Variants in UNC13C observed in about 807,000 individuals in gnomAD.
UNC13C encodes the protein unc-13 homolog C, also known as protein unc-13 homolog C.
In UNC13C, 174 loss-of-function variants were observed where a neutral mutation model predicts 245.4. The ratio of observed to expected loss-of-function variants is 0.71; its 90% CI spans 0.63 to 0.80. The LOEUF (loss-of-function observed/expected upper bound fraction) is 0.80. UNC13C is among the 30% of genes least tolerant of loss of function. The pLI is 0.00. For synonymous variants in UNC13C, 992 were observed against 895.1 expected (o/e 1.11, Z -1.93); for missense variants, 2,829 against 2,602.9 (o/e 1.09, Z -1.89).
the UNC13C span, among the ~76,000 whole-genome samples, chr15:53,869,879 G>A: frequency 6.6e-6 from 1 of 152,134 alleles, no homozygotes; most frequent in Admixed American, 6.5e-5. Context: ...GTTGGTCTTG[G>A]GACCACATGA....
intron 17 of UNC13C, among the ~76,000 whole-genome samples, chr15:54,383,670 A>G (rs996636632): frequency 1.3e-5 from 2 of 152,162 alleles, no homozygotes; most frequent in Non-Finnish European, 2.9e-5. Context: ...TCTTTGCCAG[A>G]GAAATCAGGC....
At chr15:54,360,334 A>G (rs932203189) in intron 17 of UNC13C, among the ~76,000 whole-genome samples, 7 of 152,030 alleles carry the variant, frequency 4.6e-5, no homozygotes, top group African/African-American at 1.7e-4. Context: ...TCTTGAGTGC[A>G]GTTTAACTTT....
chr15:54,308,012 A>G (rs1483170405), intron 13 of UNC13C, among the ~76,000 whole-genome samples: 4 of 151,932 alleles, frequency 2.6e-5, no homozygotes, highest in African/African-American at 7.2e-5. Flanking sequence ...TTCATTTTGC[A>G]TAGTATCTCT....
chr15:54,265,330 A>C (rs758045978), intron 9 of UNC13C, 25 bp from the exon 10 acceptor site: 9 of 1,424,022 alleles, frequency 6.3e-6, no homozygotes, highest in Non-Finnish European at 7.4e-6. Context: ...CTGTATGTTA[A>C]AATGTTTATT....
the UNC13C span, among the ~76,000 whole-genome samples, chr15:53,856,747 T>C: frequency 6.6e-6 from 1 of 151,740 alleles, no homozygotes; most frequent in Non-Finnish European, 1.5e-5. Flanking sequence ...GTGATAAGAA[T>C]GTATATTCTG....
At chr15:54,011,182 A>G (rs1473189864) in intron 1 of UNC13C, among the ~76,000 whole-genome samples, 1 of 152,180 alleles carries the variant, frequency 6.6e-6, no homozygotes, top group Non-Finnish European at 1.5e-5. Flanking sequence ...TGTGGTTGGA[A>G]TACGAGCAAG....
intron 4 of UNC13C, among the ~76,000 whole-genome samples, chr15:54,177,776 C>T (rs2033664283): frequency 6.6e-6 from 1 of 152,030 alleles, no homozygotes; most frequent in African/African-American, 2.4e-5. Context: ...AGTTGTTACT[C>T]TGTATCCATC....
chr15:54,461,542 T>C (rs1005817607), intron 19 of UNC13C, among the ~76,000 whole-genome samples: 2 of 152,214 alleles, frequency 1.3e-5, no homozygotes, highest in Non-Finnish European at 1.5e-5. Context: ...TGGTCTTCAT[T>C]TTAATATTAA....
intron 13 of UNC13C, among the ~76,000 whole-genome samples, chr15:54,302,071 G>A (rs1461981473): frequency 1.3e-5 from 2 of 151,904 alleles, no homozygotes; most frequent in African/African-American, 2.4e-5. Flanking sequence ...TATGTTTCTT[G>A]GCTGCCTAAA....
chr15:54,059,364 A>G, intron 2 of UNC13C, among the ~76,000 whole-genome samples: 1 of 152,184 alleles, frequency 6.6e-6, no homozygotes, highest in Admixed American at 6.5e-5. Context: ...CCCATTCACA[A>G]TTGCTTCAAA....
chr15:54,583,974 C>T (rs1898338840), intron 30 of UNC13C, among the ~76,000 whole-genome samples: 1 of 152,170 alleles, frequency 6.6e-6, no homozygotes, highest in Non-Finnish European at 1.5e-5. Context: ...CTCTCTGGCT[C>T]CCCGTGGCCT....
chr15:54,618,773 A>T (rs1436315037), intron 30 of UNC13C, among the ~76,000 whole-genome samples: 1 of 152,150 alleles, frequency 6.6e-6, no homozygotes, highest in Non-Finnish European at 1.5e-5. Context: ...CATTAAATGA[A>T]TCAACGGAAG....
At chr15:54,144,193 T>G (rs2032154440) in intron 4 of UNC13C, among the ~76,000 whole-genome samples, 1 of 152,204 alleles carries the variant, frequency 6.6e-6, no homozygotes, top group Admixed American at 6.5e-5. Context: ...ATTTTCTATG[T>G]AAAAAATTCA....
At chr15:54,009,286 C>A (rs1895275320) in intron 1 of UNC13C, among the ~76,000 whole-genome samples, 1 of 152,072 alleles carries the variant, frequency 6.6e-6, no homozygotes, top group South Asian at 2.1e-4. Flanking sequence ...TCTTAGATTG[C>A]CCCCCACTAT....
intron 1 of UNC13C, among the ~76,000 whole-genome samples, chr15:53,986,449 C>T (rs1311928950): frequency 6.6e-6 from 1 of 152,012 alleles, no homozygotes; most frequent in African/African-American, 2.4e-5. Flanking sequence ...AACTCAGGCC[C>T]TACTGGCAAG....
rs76243257 is a variant in UNC13C at position 54,159,496 on chromosome 15, A to G, written c.3071+15812A>G. Among the ~76,000 whole-genome samples, 986 of 152,322 alleles carry G rather than the reference A, an allele frequency of 6.5e-3. 1 individual carries two copies. Among genetic ancestry groups the G allele is most frequent in the Admixed American group, 9.7e-3 (148 of 15,306 alleles). The stretch of plus-strand genomic sequence containing the variant: ...TGCCTAAGGCACTGTTTCCTTGTGC[A>G]TGTTGTATTTAGCTATGAAGATAGT... On this transcript the variant is annotated intron_variant, in intron 4 of 32. Transcript: ENST00000260323.
At chr15:54,475,398 C>G in intron 19 of UNC13C, among the ~76,000 whole-genome samples, 1 of 151,486 alleles carries the variant, frequency 6.6e-6, no homozygotes, top group Non-Finnish European at 1.5e-5. Context: ...TGCTGGCGTG[C>G]TGCACCCATT....
At chr15:53,912,960 A>G in the UNC13C span, 4 of 152,164 alleles carry the variant, frequency 2.6e-5, no homozygotes, top group African/African-American at 9.7e-5. Flanking sequence ...CTGTTTGACA[A>G]TGGAACTGGG....
the UNC13C span, among the ~76,000 whole-genome samples, chr15:53,886,970 A>G: frequency 2.6e-5 from 4 of 152,162 alleles, no homozygotes; most frequent in African/African-American, 9.7e-5. Context: ...AAAAACTGAG[A>G]AACTGTCACA....
Sources: allele counts gnomAD v4.1 joint callset (sites outside exome capture counted in the v4.1 genomes callset), GRCh38; gene constraint gnomAD v4.1.1; transcripts MANE v1.5; gene names NCBI Gene and HGNC (gene_info 2026-07-23, HGNC 2026-07-21).